EPHB2: variants seen among roughly 807,000 people sequenced by gnomAD.
EPHB2 encodes the protein ephrin type-B receptor 2.
EPHB2 carries 18 observed loss-of-function variants against 96.4 expected under a neutral mutation model. That is an observed-to-expected ratio of 0.19 (90% CI 0.13 to 0.28). The LOEUF (loss-of-function observed/expected upper bound fraction) is 0.28, where lower values mean the gene tolerates loss of function less well. Among genes scored for constraint, EPHB2 ranks in the 10% least tolerant of loss-of-function variants. The pLI, the probability that EPHB2 is intolerant of heterozygous loss-of-function variation, is 1.00. For synonymous variants in EPHB2, 506 were observed against 534.1 expected (o/e 0.95, Z 0.72); for missense variants, 989 against 1,355.4 (o/e 0.73, Z 4.25).
At chr1:22,883,104 A>G (rs892097463) in intron 6 of EPHB2, among the ~76,000 whole-genome samples, 25 of 152,228 alleles carry the variant, frequency 1.6e-4, no homozygotes, top group African/African-American at 6.0e-4. Context: ...TTCACCAGCT[A>G]TGTGACCTTG....
At chr1:22,749,782 C>T (rs566184442) in intron 1 of EPHB2, among the ~76,000 whole-genome samples, 1 of 152,266 alleles carries the variant, frequency 6.6e-6, no homozygotes, top group South Asian at 2.1e-4. Context: ...GGGTTCCAGA[C>T]CCTATACTGG....
At chr1:22,825,059 GT>G (rs1423356010) in intron 3 of EPHB2, among the ~76,000 whole-genome samples, 3 of 152,256 alleles carry the variant, frequency 2.0e-5, no homozygotes, top group Non-Finnish European at 2.9e-5. Flanking sequence ...CAGGAGCATA[GT>G]CTGTGACTGC....
chr1:22,826,367 C>A (rs1232247874), intron 3 of EPHB2, among the ~76,000 whole-genome samples: 2 of 152,200 alleles, frequency 1.3e-5, no homozygotes. Flanking sequence ...GGTCTGCAAA[C>A]CCCAGAATGG....
intron 9 of EPHB2, among the ~76,000 whole-genome samples, chr1:22,897,409 A>C (rs921610874): frequency 2.0e-5 from 3 of 152,152 alleles, no homozygotes; most frequent in Non-Finnish European, 4.4e-5. Context: ...ACAGAGGCCC[A>C]TCATCATATC....
chr1:22,802,000 T>C (rs1479640674), intron 3 of EPHB2, among the ~76,000 whole-genome samples: 1 of 152,126 alleles, frequency 6.6e-6, no homozygotes, highest in East Asian at 1.9e-4. Context: ...CGGGGCCTGC[T>C]TGTCATGCTG....
intron 3 of EPHB2, among the ~76,000 whole-genome samples, chr1:22,834,159 A>G (rs1370535370): frequency 6.6e-6 from 1 of 152,202 alleles, no homozygotes; most frequent in Non-Finnish European, 1.5e-5. Flanking sequence ...GACACAAATT[A>G]TTAGACTCAA....
chr1:22,757,044 A>G (rs1211649632), intron 1 of EPHB2, among the ~76,000 whole-genome samples: 2 of 152,122 alleles, frequency 1.3e-5, no homozygotes, highest in East Asian at 1.9e-4. Context: ...ATACCTGTCT[A>G]TATTGTTTCA....
Position 22,729,139 on chromosome 1 carries a change from A to G in EPHB2, c.61+18096A>G, listed in dbSNP as rs539600036. ...TTCCTGAACTTCTGGGCAGGTTGTA[A>G]TTCTCTGTGACATCTGTGCTGTTGG... On this transcript the variant is annotated intron_variant, in intron 1 of 15. Transcript: ENST00000374630. Among the ~76,000 whole-genome samples the G allele has an allele frequency of 2.0e-5, 3 of 152,298 alleles. No individual in the cohort carries two copies. The South Asian group carries it at 6.2e-4, about 32-fold the overall frequency.
intron 1 of EPHB2, among the ~76,000 whole-genome samples, chr1:22,775,024 T>C (rs1644430196): frequency 6.6e-6 from 1 of 152,196 alleles, no homozygotes; most frequent in Non-Finnish European, 1.5e-5. Flanking sequence ...CTGGGCAGTC[T>C]ATGTCCCACT....
chr1:22,875,904 A>T lies in EPHB2; in HGVS notation c.1304-6455A>T, dbSNP rs1176378420. On this transcript the variant is annotated intron_variant, in intron 5 of 15. Transcript: ENST00000374630. The surrounding 1 kb of genome is among the most constrained non-coding windows in gnomAD (Gnocchi z 4.2). ...ATGAAGAGGAGGATTTGGCCATGGA[A>T]GATGTGGGGGAAGAGGTTTCCAAGC... Among the ~76,000 whole-genome samples, 1 of 152,060 alleles carries T rather than the reference A, an allele frequency of 6.6e-6. No homozygotes were observed. The highest frequency in any genetic ancestry group is 2.4e-5 in the African/African-American group (1 of 41,408).
intron 1 of EPHB2, among the ~76,000 whole-genome samples, chr1:22,720,014 T>G (rs924096768): frequency 6.6e-6 from 1 of 152,198 alleles, no homozygotes; most frequent in African/African-American, 2.4e-5. Context: ...GGCTGGAAAT[T>G]CCATCGTGGC....
At chr1:22,769,107 G>A (rs535220379) in intron 1 of EPHB2, among the ~76,000 whole-genome samples, 1 of 152,164 alleles carries the variant, frequency 6.6e-6, no homozygotes, top group Non-Finnish European at 1.5e-5. Flanking sequence ...CCCTCTTTGG[G>A]GTGGGATGGG....
chr1:22,771,697 T>C (rs1033092057), intron 1 of EPHB2, among the ~76,000 whole-genome samples: 60 of 152,196 alleles, frequency 3.9e-4, no homozygotes, highest in Admixed American at 2.5e-3. Flanking sequence ...GTGGCAGGCA[T>C]TGTTCCATGC....
At chr1:22,757,941 C>T (rs1328667593) in intron 1 of EPHB2, among the ~76,000 whole-genome samples, 1 of 108,906 alleles carries the variant, frequency 9.2e-6, no homozygotes, top group Non-Finnish European at 1.7e-5. Context: ...TTTTTTGAGA[C>T]GGAGTCTCGC....
chr1:22,719,790 G>C (rs973790654), intron 1 of EPHB2, among the ~76,000 whole-genome samples: 1 of 152,164 alleles, frequency 6.6e-6, no homozygotes, highest in African/African-American at 2.4e-5. Flanking sequence ...AGGGGTTCAG[G>C]CAAGGGAAGG....
intron 6 of EPHB2, among the ~76,000 whole-genome samples, chr1:22,888,655 C>A (rs988649584): frequency 6.6e-6 from 1 of 152,154 alleles, no homozygotes; most frequent in Non-Finnish European, 1.5e-5. Flanking sequence ...ATAAAGGTAC[C>A]CCAGGGAGAG....
intron 3 of EPHB2, among the ~76,000 whole-genome samples, chr1:22,849,405 A>G (rs963661581): frequency 2.0e-5 from 3 of 152,098 alleles, no homozygotes; most frequent in Non-Finnish European, 4.4e-5. Context: ...CCACTAGACT[A>G]TCAGCTCCCT....
chr1:22,775,311 T>A, intron 1 of EPHB2: 1 of 771,720 alleles, frequency 1.3e-6, no homozygotes, highest in Non-Finnish European at 2.4e-6. Flanking sequence ...TATATACTTC[T>A]GGAGGTTGCG....
chr1:22,859,959 A>C (rs6426770), intron 3 of EPHB2, among the ~76,000 whole-genome samples: 6,859 of 151,964 alleles, frequency 0.045, 493 homozygotes, highest in African/African-American at 0.15. Context: ...ATTGGCAACC[A>C]CGCATCGACT....
Sources: gnomAD v4.1 joint callset for allele counts (sites outside exome capture counted in the v4.1 genomes callset) on GRCh38, gnomAD v4.1.1 for gene constraint, Gnocchi (gnomAD v3.1) non-coding constraint, MANE v1.5 for transcripts, NCBI Gene and HGNC (gene_info 2026-07-23, HGNC 2026-07-21) for gene names.